TMC5: variants seen among roughly 807,000 people sequenced by gnomAD.
TMC5 encodes the protein transmembrane channel like 5.
A neutral mutation model predicts 110.5 loss-of-function variants in TMC5; 86 were observed. The ratio of observed to expected loss-of-function variants is 0.78; its 90% CI spans 0.65 to 0.93. The LOEUF is 0.93. TMC5 is among the 40% of genes least tolerant of loss of function. TMC5 has a pLI of 0.00. For missense variants in TMC5, 1,144 were observed against 1,222.8 expected (o/e 0.94, Z 0.96); for synonymous variants, 455 against 439.5 (o/e 1.04, Z -0.44).
At chr16:19,444,879 C>G (rs916636763) in intron 4 of TMC5, among the ~76,000 whole-genome samples, 7 of 152,232 alleles carry the variant, frequency 4.6e-5, no homozygotes, top group African/African-American at 1.7e-4. Context: ...CGCCTGTAAT[C>G]CCAGCACTTG....
At chr16:19,415,291 A>G (rs964351843), upstream of TMC5, among the ~76,000 whole-genome samples, 6 of 152,164 alleles carry the variant, frequency 3.9e-5, no homozygotes, top group Non-Finnish European at 4.4e-5. Context: ...TGTCCCACGC[A>G]ATGGAGAGCG....
intron 9 of TMC5, among the ~76,000 whole-genome samples, chr16:19,466,618 C>T (rs1310847900): frequency 2.0e-5 from 3 of 152,198 alleles, no homozygotes; most frequent in East Asian, 3.9e-4. Flanking sequence ...TCCCATAGTC[C>T]TGGGATTACA....
intron 8 of TMC5, among the ~76,000 whole-genome samples, chr16:19,464,421 CTCAATCATCAA>C (rs1481655305): frequency 1.3e-5 from 2 of 152,162 alleles, no homozygotes; most frequent in East Asian, 3.9e-4. Context: ...GAGGCCTTGT[CTCAATCATCAA>C]TCAATCAATC....
upstream of TMC5, chr16:19,417,563 A>T (rs111844946): frequency 7.3e-6 from 1 of 137,328 alleles, no homozygotes; most frequent in East Asian, 1.9e-4. Flanking sequence ...ACACAAAACG[A>T]ATCTATTTAC....
intron 5 of TMC5, among the ~76,000 whole-genome samples, chr16:19,456,284 A>G (rs550351182): frequency 2.0e-5 from 3 of 150,188 alleles, no homozygotes; most frequent in Non-Finnish European, 4.4e-5. Context: ...TATTTAGAAC[A>G]TATATATATG....
intron 1 of TMC5, among the ~76,000 whole-genome samples, chr16:19,423,779 T>C (rs1597157082): frequency 6.6e-6 from 1 of 152,222 alleles, no homozygotes; most frequent in East Asian, 1.9e-4. Flanking sequence ...TGAGACAGAA[T>C]CTTTCTCTGT....
At chr16:19,487,739 A>G (rs1477773170) in intron 17 of TMC5, 1 of 134,790 alleles carries the variant, frequency 7.4e-6, no homozygotes, top group East Asian at 1.9e-4. Context: ...AAATAAATAA[A>G]TAAATAAATA....
chr16:19,473,175 GTC>G (rs1286034233), intron 11 of TMC5, among the ~76,000 whole-genome samples: 1 of 150,930 alleles, frequency 6.6e-6, no homozygotes, highest in Non-Finnish European at 1.5e-5. Context: ...GTGAAACCCC[GTC>G]TCTACTAAAA....
chr16:19,468,115 C>A (rs932804520), intron 9 of TMC5, among the ~76,000 whole-genome samples: 1 of 152,000 alleles, frequency 6.6e-6, no homozygotes, highest in African/African-American at 2.4e-5. Flanking sequence ...GCTGGGATTA[C>A]AGGCTCATGC....
chr16:19,475,736 C>G (rs1196326355), intron 12 of TMC5, among the ~76,000 whole-genome samples: 1 of 151,914 alleles, frequency 6.6e-6, no homozygotes, highest in East Asian at 1.9e-4. Flanking sequence ...TGCACTCTTC[C>G]TTGCACACCC....
chr16:19,492,915 G>GATATAGATATATATATAT (rs1968944931), intron 19 of TMC5, among the ~76,000 whole-genome samples: 1 of 42,752 alleles, frequency 2.3e-5, no homozygotes, highest in East Asian at 3.6e-4. Context: ...TTAAAACTTA[G>GATATAGATATATATATAT]ATATATATAT....
intron 1 of TMC5, among the ~76,000 whole-genome samples, chr16:19,423,982 G>A (rs966624639): frequency 6.6e-6 from 1 of 152,116 alleles, no homozygotes; most frequent in African/African-American, 2.4e-5. Context: ...TCAAACTCCT[G>A]ACCTCAGGTG....
intron 9 of TMC5, among the ~76,000 whole-genome samples, chr16:19,466,961 A>C (rs889332586): frequency 6.6e-6 from 1 of 152,090 alleles, no homozygotes; most frequent in Non-Finnish European, 1.5e-5. Context: ...ACTGGGCAAC[A>C]TACCAAAACC....
At chr16:19,453,206 G>A (rs2143527567) in intron 5 of TMC5, among the ~76,000 whole-genome samples, 1 of 151,906 alleles carries the variant, frequency 6.6e-6, no homozygotes. Context: ...GTAATCCCAG[G>A]ACTTCTGGAG....
intron 11 of TMC5, among the ~76,000 whole-genome samples, chr16:19,473,195 A>C (rs1968388701): frequency 6.6e-6 from 1 of 151,526 alleles, no homozygotes; most frequent in Admixed American, 6.6e-5. Flanking sequence ...AAAATACAAA[A>C]ATTAGCTGGG....
intron 1 of TMC5, among the ~76,000 whole-genome samples, chr16:19,412,580 C>T (rs892467698): frequency 6.6e-6 from 1 of 152,138 alleles, no homozygotes; most frequent in Non-Finnish European, 1.5e-5. Context: ...GTTGGCCAGG[C>T]TGGTCTTGAA....
intron 2 of TMC5, among the ~76,000 whole-genome samples, chr16:19,436,541 T>G (rs1029918959): frequency 3.3e-5 from 5 of 152,216 alleles, no homozygotes; most frequent in African/African-American, 1.2e-4. Context: ...AAAAGTAATT[T>G]GCAATGAAGC....
chr16:19,493,743 G>A (rs1968978591), intron 19 of TMC5, among the ~76,000 whole-genome samples: 1 of 152,196 alleles, frequency 6.6e-6, no homozygotes. Flanking sequence ...TTACAGGCGT[G>A]AGCCACTGCG....
At chr16:19,472,533 G>A (rs67235058) in intron 11 of TMC5, among the ~76,000 whole-genome samples, 10,558 of 152,198 alleles carry the variant, frequency 0.069, 590 homozygotes, top group African/African-American at 0.15. Flanking sequence ...AGCCTGTCAC[G>A]GTGGTGTGCA....
Sources: allele counts gnomAD v4.1 joint callset (sites outside exome capture counted in the v4.1 genomes callset), GRCh38; gene constraint gnomAD v4.1.1; transcripts MANE v1.5; gene names NCBI Gene and HGNC (gene_info 2026-07-23, HGNC 2026-07-21).